Variants in COL6A5 observed in about 807,000 individuals in gnomAD.
COL6A5 encodes the protein collagen alpha-5(VI) chain.
COL6A5 carries 48 observed loss-of-function variants against 65.6 expected under a neutral mutation model. The observed-to-expected ratio is 0.73, with a 90% confidence interval of 0.58 to 0.93. COL6A5 has a LOEUF of 0.93. Ranked by LOEUF, COL6A5 falls within the 40% of genes least tolerant of loss-of-function variation. The pLI, the probability that COL6A5 is intolerant of heterozygous loss-of-function variation, is 0.00. For missense variants in COL6A5, 914 were observed against 928.3 expected (o/e 0.98, Z 0.20); for synonymous variants, 291 against 322.8 (o/e 0.90, Z 1.05).
At chr3:130,405,555 A>T (rs1303133673) in intron 13 of COL6A5, 33 bp from the exon 14 acceptor site, 5 of 1,515,964 alleles carry the variant, frequency 3.3e-6, no homozygotes, top group Non-Finnish European at 4.5e-6. Context: ...CAAAAACATC[A>T]CTTTGGGTAC....
chr3:130,411,312 TA>T (rs1378172775), intron 20 of COL6A5, among the ~76,000 whole-genome samples: 1 of 152,232 alleles, frequency 6.6e-6, no homozygotes, highest in Non-Finnish European at 1.5e-5. Context: ...TAGAAGAGAA[TA>T]ATGGACAAAG....
At chr3:130,432,541 CTCTGTCAAAAAAAA>C (rs1400910207) in intron 1 of COL6A5, among the ~76,000 whole-genome samples, 1 of 114,038 alleles carries the variant, frequency 8.8e-6, no homozygotes, top group African/African-American at 3.2e-5. Flanking sequence ...CAGAGAAAGA[CTCTGTCAAAAAAAA>C]AAAAAAAAGG....
intron 7 of COL6A5, among the ~76,000 whole-genome samples, chr3:130,476,600 T>C (rs527357164): frequency 6.6e-6 from 1 of 152,062 alleles, no homozygotes; most frequent in African/African-American, 2.4e-5. Flanking sequence ...TTTTGTTTTG[T>C]TTTTTGAAGC....
chr3:130,470,304 T>G (rs322114), intron 6 of COL6A5, among the ~76,000 whole-genome samples: 1 of 151,956 alleles, frequency 6.6e-6, no homozygotes, highest in Non-Finnish European at 1.5e-5. Context: ...CAGAGGCTAC[T>G]TTGAATGGTC....
intron 6 of COL6A5, among the ~76,000 whole-genome samples, chr3:130,469,787 A>T (rs1709905601): frequency 6.6e-6 from 1 of 152,042 alleles, no homozygotes. Context: ...TCTTCAGTGC[A>T]GTCCTCAGAG....
chr3:130,396,184 T>C (rs1577465460), intron 8 of COL6A5, among the ~76,000 whole-genome samples: 1 of 152,120 alleles, frequency 6.6e-6, no homozygotes, highest in Non-Finnish European at 1.5e-5. Context: ...AGGCTAGGAG[T>C]TGAGAGGACA....
intron 2 of COL6A5, among the ~76,000 whole-genome samples, chr3:130,375,602 A>T (rs530488518): frequency 2.6e-5 from 4 of 152,150 alleles, no homozygotes; most frequent in Non-Finnish European, 5.9e-5. Context: ...ACTTTGGCCC[A>T]TTCTTACACT....
intron 4 of COL6A5, among the ~76,000 whole-genome samples, chr3:130,453,056 C>T (rs567719296): frequency 6.6e-6 from 1 of 152,104 alleles, no homozygotes; most frequent in Admixed American, 6.5e-5. Flanking sequence ...TTCAAGGTGC[C>T]CAGATTTCAT....
intron 1 of COL6A5, among the ~76,000 whole-genome samples, chr3:130,363,619 T>A (rs1331384844): frequency 6.6e-6 from 1 of 152,228 alleles, no homozygotes; most frequent in Non-Finnish European, 1.5e-5. Context: ...AACAGTGTGC[T>A]GTGGTGTATT....
At chr3:130,470,186 C>T (rs1187113748) in intron 6 of COL6A5, among the ~76,000 whole-genome samples, 2 of 152,030 alleles carry the variant, frequency 1.3e-5, no homozygotes, top group Non-Finnish European at 1.5e-5. Context: ...AGGGTGGCTG[C>T]CCCAGCCTCT....
intron 6 of COL6A5, among the ~76,000 whole-genome samples, chr3:130,390,684 A>G (rs1936365449): frequency 6.6e-6 from 1 of 152,164 alleles, no homozygotes; most frequent in Non-Finnish European, 1.5e-5. Context: ...ATAAACAGGG[A>G]TGGTTTGCAT....
intron 7 of COL6A5, 32 bp downstream of exon 7, chr3:130,391,786 G>A (rs1210101041): frequency 1.4e-6 from 2 of 1,468,916 alleles, no homozygotes; most frequent in African/African-American, 2.8e-5. Flanking sequence ...TTCTATGGGG[G>A]TAGCAATAAA....
chr3:130,357,552 C>T (rs547155794), intron 1 of COL6A5, among the ~76,000 whole-genome samples: 41 of 152,126 alleles, frequency 2.7e-4, no homozygotes, highest in African/African-American at 8.4e-4. Context: ...GCAAAATTCC[C>T]GAATCAAATA....
exon 1 of COL6A5, chr3:130,431,759 G>C: frequency 6.4e-7 from 1 of 1,551,578 alleles, no homozygotes; most frequent in East Asian, 2.4e-5. Context: ...AATGCAATGA[G>C]GTTTGTGACC....
At chr3:130,388,787 A>G in exon 6 of COL6A5, 1 of 1,551,404 alleles carries the variant, frequency 6.4e-7, no homozygotes, top group Non-Finnish European at 8.7e-7. Flanking sequence ...ACACAGCAAG[A>G]AATTTCTGAT....
In COL6A5 at chr3:130,391,153, T is replaced by C. The variant is rs539375564; in HGVS notation, c.2417-26T>C. ...CGTAGAATGCACTGCAGAAAGTTTG[T>C]GACTCCTGTTTTCATCTTCTTTCAG... On this transcript the variant is annotated intron_variant and NMD_transcript_variant, in intron 6 of 41. Coordinates refer to the COL6A5 transcript ENST00000312481. The C allele has an allele frequency of 3.3e-5, 50 of 1,510,642 alleles. No homozygotes were observed. The African/African-American group carries it at 4.8e-4, about 15-fold the overall frequency. The allele number at this position is 1,510,642 out of a possible 1,614,324, so 93.6% of individuals were successfully genotyped here.
At chr3:130,347,485 A>C (rs1934529856) in intron 1 of COL6A5, among the ~76,000 whole-genome samples, 1 of 152,198 alleles carries the variant, frequency 6.6e-6, no homozygotes, top group South Asian at 2.1e-4. Context: ...AGCCATTGCT[A>C]GCAATGTTAT....
intron 4 of COL6A5, 89 bp downstream of exon 36, chr3:130,443,655 T>C (rs1462136689): frequency 1.3e-6 from 1 of 746,814 alleles, no homozygotes; most frequent in African/African-American, 1.7e-5. Flanking sequence ...AGGCTGATGA[T>C]GCTAACAAGG....
intron 4 of COL6A5, among the ~76,000 whole-genome samples, chr3:130,382,153 C>T (rs1284617506): frequency 6.6e-6 from 1 of 151,974 alleles, no homozygotes; most frequent in Non-Finnish European, 1.5e-5. Flanking sequence ...AACGTTGGCT[C>T]AATTCCATGG....
Sources: allele counts gnomAD v4.1 joint callset (sites outside exome capture counted in the v4.1 genomes callset), GRCh38; gene constraint gnomAD v4.1.1; transcripts MANE v1.5; gene names NCBI Gene and HGNC (gene_info 2026-07-23, HGNC 2026-07-21).